DIRAS2: variants seen among roughly 807,000 people sequenced by gnomAD.
DIRAS2 encodes the protein DIRAS family GTPase 2.
Under a neutral mutation model 13.9 loss-of-function variants are expected in DIRAS2, and 5 were observed. That is an observed-to-expected ratio of 0.36 (90% CI 0.19 to 0.76). The LOEUF (loss-of-function observed/expected upper bound fraction) is 0.76, where lower values mean the gene tolerates loss of function less well. DIRAS2 is among the 30% of genes least tolerant of loss of function. The pLI is 0.53. For synonymous variants in DIRAS2, 111 were observed against 105.4 expected, an observed-to-expected ratio of 1.05 and a Z score of -0.33; for missense variants, 191 against 263.0, an observed-to-expected ratio of 0.73 and a Z score of 1.89.
intron 1 of DIRAS2, among the ~76,000 whole-genome samples, chr9:90,622,172 A>T (rs1485756008): frequency 6.6e-6 from 1 of 152,208 alleles, no homozygotes; most frequent in Non-Finnish European, 1.5e-5. Context: ...GGATCTCTTC[A>T]GCCCAGGAAT....
intron 1 of DIRAS2, among the ~76,000 whole-genome samples, chr9:90,634,673 C>T (rs1194453949): frequency 6.6e-6 from 1 of 152,036 alleles, no homozygotes; most frequent in Non-Finnish European, 1.5e-5. Flanking sequence ...TGGATTTAAC[C>T]AGATAAAAAA....
intron 1 of DIRAS2, among the ~76,000 whole-genome samples, chr9:90,621,222 T>G (rs1307937432): frequency 6.6e-6 from 1 of 152,160 alleles, no homozygotes; most frequent in Non-Finnish European, 1.5e-5. Context: ...TGTAGATTTC[T>G]CTTGAAATAA....
Position 90,614,353 on chromosome 9 carries a change from T to TGTGTGTGTGTGA in DIRAS2, c.-36-491_-36-490insTCACACACACAC, listed in dbSNP as rs1491454540. On this transcript the variant is annotated intron_variant, in intron 1 of 1. Coordinates refer to ENST00000375765, the MANE Select transcript of DIRAS2 (RefSeq NM_017594.5). ...GTGTGTGTGTGTGTGTGTGTGTGTG[T>TGTGTGTGTGTGA]GAGAAATACTGGGAGAGGGAGATGA... Among the ~76,000 whole-genome samples, 6 of 138,994 alleles carry TGTGTGTGTGTGA rather than the reference T, an allele frequency of 4.3e-5. No individual in the cohort carries two copies. The Admixed American group carries it at 4.4e-4, about 10-fold the overall frequency. 91.2% of individuals were successfully genotyped at this position (138,994 alleles called of 152,430 possible). A position where few individuals can be genotyped will look rare whatever the true frequency, so the allele number is the denominator to read the frequency against.
At position 90,615,985 on chromosome 9, in the gene DIRAS2, G is replaced by C. The variant is rs140195919; in HGVS notation, c.-36-2122C>G. Among the ~76,000 whole-genome samples the C allele has an allele frequency of 1.4e-4, 22 of 152,292 alleles. No individual in the cohort carries two copies. The East Asian group carries it at 3.7e-3, about 25-fold the overall frequency. Reference sequence around the variant, plus strand: ...TGAAGCTCTCTTTTTGCTTAGAAGGGAGTTTCCTCACTCGTTTTGCCTTGT... The same window carrying C: ...TGAAGCTCTCTTTTTGCTTAGAAGGCAGTTTCCTCACTCGTTTTGCCTTGT... On this transcript the variant is annotated intron_variant, in intron 1 of 1. Transcript: ENST00000375765.
chr9:90,640,769 C>A (rs1825412130), intron 1 of DIRAS2, among the ~76,000 whole-genome samples: 1 of 152,200 alleles, frequency 6.6e-6, no homozygotes, highest in African/African-American at 2.4e-5. Flanking sequence ...AGCTGGCAGG[C>A]AACCACTCCA....
Position 90,613,687 on chromosome 9 carries a change from C to T in DIRAS2, c.141G>A (p.Val47=), listed in dbSNP as rs1175093782. 1.9e-6 allele frequency: 3 copies of T among 1,614,178 alleles called. No individual in the cohort carries two copies. The change falls in exon 2 of 2, where the codon GTG becomes GTA. Residue 47 remains valine, a synonymous_variant. Coordinates refer to ENST00000375765, the MANE Select transcript of DIRAS2 (RefSeq NM_017594.5). The surrounding 1 kb of genome is among the most constrained non-coding windows in gnomAD (Gnocchi z 5.6). Reference sequence around the variant, plus strand: ...TGCATATGCTCTTGTCACAGCTGATCACTTGCCGGTAGGTGTCTTCCACCG... The same window carrying T: ...TGCATATGCTCTTGTCACAGCTGATTACTTGCCGGTAGGTGTCTTCCACCG... ...IPTVEDTYRQ[V]ISCDKSICTL... is the part of the protein sequence containing the mutation.
chr9:90,632,530 T>G (rs1564022455), intron 1 of DIRAS2, among the ~76,000 whole-genome samples: 1 of 152,246 alleles, frequency 6.6e-6, no homozygotes, highest in Non-Finnish European at 1.5e-5. Flanking sequence ...ATCTTCCCAC[T>G]TTATTTTCTC....
intron 1 of DIRAS2, among the ~76,000 whole-genome samples, chr9:90,635,277 C>A (rs1043709752): frequency 6.6e-6 from 1 of 152,212 alleles, no homozygotes; most frequent in South Asian, 2.1e-4. Flanking sequence ...TGTTTTAGTG[C>A]ACCTAAGCAT....
rs1285413005 is a variant in DIRAS2 at position 90,610,284 on chromosome 9, T to G, written c.*2944A>C. ...AAACAAATATACTAGCTTACAGATA[T>G]GTACAATTTATGACTTTATACTTCA... On this transcript the variant is annotated 3_prime_UTR_variant, in exon 2 of 2. Coordinates refer to ENST00000375765, the MANE Select transcript of DIRAS2 (RefSeq NM_017594.5). The G allele has an allele frequency of 2.5e-6, 1 of 396,698 alleles. No homozygotes were observed. Among genetic ancestry groups the G allele is most frequent in the Non-Finnish European group, 4.4e-6 (1 of 225,414 alleles). 24.6% of individuals were successfully genotyped at this position (396,698 alleles called of 1,614,324 possible). A position where few individuals can be genotyped will look rare whatever the true frequency, so the allele number is the denominator to read the frequency against.
At chr9:90,626,657 T>G (rs1164187212) in intron 1 of DIRAS2, among the ~76,000 whole-genome samples, 1 of 152,126 alleles carries the variant, frequency 6.6e-6, no homozygotes, top group Non-Finnish European at 1.5e-5. Context: ...AGAGAGAAAC[T>G]GAAACCCTTG....
intron 1 of DIRAS2, among the ~76,000 whole-genome samples, chr9:90,623,138 C>A (rs1011056878): frequency 6.6e-6 from 1 of 152,196 alleles, no homozygotes; most frequent in Non-Finnish European, 1.5e-5. Context: ...GTTCTCCTCG[C>A]TTATCTGAGC....
Position 90,613,172 on chromosome 9 carries a change from T to A in DIRAS2, c.*56A>T. The A allele has an allele frequency of 6.4e-7, 1 of 1,568,496 alleles. No individual in the cohort carries two copies. The highest frequency in any genetic ancestry group is 1.2e-5 in the South Asian group (1 of 82,134). On this transcript the variant is annotated 3_prime_UTR_variant, in exon 2 of 2. Coordinates refer to ENST00000375765, the MANE Select transcript of DIRAS2 (RefSeq NM_017594.5). The surrounding 1 kb of genome is among the most constrained non-coding windows in gnomAD (Gnocchi z 5.6). ...GCTACCCTGACGACGGTGGGTGTCA[T>A]TTTGGGGGAGTGAGGTGCCGGGGAC...
At chr9:90,616,915 C>T (rs1161226418) in intron 1 of DIRAS2, among the ~76,000 whole-genome samples, 3 of 152,126 alleles carry the variant, frequency 2.0e-5, no homozygotes, top group Non-Finnish European at 4.4e-5. Flanking sequence ...CGCCCCACTT[C>T]GCAGATGCTG....
rs189861484 is a variant in DIRAS2 at position 90,638,274 on chromosome 9, C to G, written c.-37+4478G>C. ...AATGGAAGAACAAAAAAGAGAGGCA[C>G]AAAGCATTATATGTAAATCTGGCAA... On this transcript the variant is annotated intron_variant, in intron 1 of 1. Coordinates refer to ENST00000375765, the MANE Select transcript of DIRAS2 (RefSeq NM_017594.5). Among the ~76,000 whole-genome samples the G allele has an allele frequency of 3.5e-3, 536 of 152,164 alleles. 1 individual carries two copies. Among genetic ancestry groups the G allele is most frequent in the Admixed American group, 5.3e-3 (81 of 15,282 alleles).
chr9:90,625,130 G>A (rs532990527), intron 1 of DIRAS2, among the ~76,000 whole-genome samples: 9 of 152,306 alleles, frequency 5.9e-5, no homozygotes, highest in African/African-American at 2.2e-4. Flanking sequence ...CAAAGATAAA[G>A]TCAACTGGAG....
At chr9:90,618,792 A>G (rs1208837619) in intron 1 of DIRAS2, among the ~76,000 whole-genome samples, 1 of 152,246 alleles carries the variant, frequency 6.6e-6, no homozygotes, top group Non-Finnish European at 1.5e-5. Flanking sequence ...AGTCAATAAG[A>G]AGATATACAA....
intron 1 of DIRAS2, among the ~76,000 whole-genome samples, chr9:90,641,748 C>T (rs1825421137): frequency 6.6e-6 from 1 of 152,068 alleles, no homozygotes; most frequent in African/African-American, 2.4e-5. Context: ...AGACTTTTAG[C>T]GTTACCTGGA....
chr9:90,621,181 A>G (rs1287961431), intron 1 of DIRAS2, among the ~76,000 whole-genome samples: 1 of 152,190 alleles, frequency 6.6e-6, no homozygotes, highest in East Asian at 1.9e-4. Flanking sequence ...GGAATGATGG[A>G]AATGGAAGAG....
chr9:90,610,662 A>C lies in DIRAS2; in HGVS notation c.*2566T>G, dbSNP rs982098633. 2.7e-6 allele frequency: 1 copy of C among 372,568 alleles called. No homozygotes were observed. The highest frequency in any genetic ancestry group is 2.1e-5 in the African/African-American group (1 of 48,208). The allele number at this position is 372,568 out of a possible 1,614,324, so 23.1% of individuals were successfully genotyped here. On this transcript the variant is annotated 3_prime_UTR_variant, in exon 2 of 2. Coordinates refer to ENST00000375765, the MANE Select transcript of DIRAS2 (RefSeq NM_017594.5). ...TCTAATTCTGTGATACTAACTCCTCAAACTCTGAGTCAATTGGGGATCTCC... is the reference window on the plus strand; with the variant it reads ...TCTAATTCTGTGATACTAACTCCTCCAACTCTGAGTCAATTGGGGATCTCC...
Sources: gnomAD v4.1 joint callset for allele counts (sites outside exome capture counted in the v4.1 genomes callset) on GRCh38, gnomAD v4.1.1 for gene constraint, Gnocchi (gnomAD v3.1) non-coding constraint, MANE v1.5 for transcripts, NCBI Gene and HGNC (gene_info 2026-07-23, HGNC 2026-07-21) for gene names.